Variants in SLC16A1 observed in about 807,000 individuals in gnomAD.
SLC16A1 encodes the protein solute carrier family 16 member 1.
A neutral mutation model predicts 32.2 loss-of-function variants in SLC16A1; 11 were observed. That is an observed-to-expected ratio of 0.34 (90% CI 0.21 to 0.56). SLC16A1 has a LOEUF of 0.56. SLC16A1 is among the 20% of genes least tolerant of loss of function. The pLI is 0.87. For synonymous variants in SLC16A1, 231 were observed against 226.8 expected, an observed-to-expected ratio of 1.02 and a Z score of -0.17; for missense variants, 435 against 615.0, an observed-to-expected ratio of 0.71 and a Z score of 3.10.
At chr1:112,915,578 AGAC>A (rs1648474255) in intron 4 of SLC16A1, among the ~76,000 whole-genome samples, 7 of 152,216 alleles carry the variant, frequency 4.6e-5, no homozygotes. Flanking sequence ...TCTGAACTGG[AGAC>A]TTCAAGGAGA....
At chr1:112,931,659 AAAAAAAAAAGTAGTT>A (rs1427663608) in intron 1 of SLC16A1, among the ~76,000 whole-genome samples, 5 of 151,470 alleles carry the variant, frequency 3.3e-5, no homozygotes, top group African/African-American at 1.2e-4. Flanking sequence ...AAAAAAAAAA[AAAAAAAAAAGTAGTT>A]TTAAATCAAA....
chr1:112,942,958 G>T (rs1005506904), intron 1 of SLC16A1, among the ~76,000 whole-genome samples: 4 of 151,244 alleles, frequency 2.6e-5, no homozygotes, highest in African/African-American at 7.4e-5. Context: ...GCACGCACTT[G>T]TGTGTATATA....
At chr1:112,943,787 C>CAAAAAA (rs60946516) in intron 1 of SLC16A1, among the ~76,000 whole-genome samples, 1 of 49,490 alleles carries the variant, frequency 2.0e-5, no homozygotes, top group East Asian at 7.4e-4. Context: ...GACTCCATCT[C>CAAAAAA]AAAAAAAAAA....
Position 112,920,267 on chromosome 1 carries a change from G to A in SLC16A1, c.361+1723C>T, listed in dbSNP as rs550531476. Among the ~76,000 whole-genome samples the A allele has an allele frequency of 4.7e-4, 71 of 152,166 alleles. No homozygotes were observed. The South Asian group carries it at 0.014, about 29-fold the overall frequency. On this transcript the variant is annotated intron_variant, in intron 3 of 4. Coordinates refer to ENST00000369626, the MANE Select transcript of SLC16A1 (RefSeq NM_003051.4). ...GCAGGCGGATCACCTGAGGTCAGGA[G>A]TTTGAGACCAGCCTGGCCAACATGG...
Position 112,944,427 on chromosome 1 carries a change from G to C in SLC16A1, c.-45+11608C>G, listed in dbSNP as rs143533506. Among the ~76,000 whole-genome samples the C allele has an allele frequency of 5.6e-3, 850 of 152,296 alleles. 17 individuals carry two copies. The highest frequency in any genetic ancestry group is 0.02 in the African/African-American group (819 of 41,556). On this transcript the variant is annotated intron_variant, in intron 1 of 4. Transcript: ENST00000369626. ...CCACTGGACCCCAGCCTGGGCAACAGAGTGAACCCGTCTCAAAAAACGAAA... is the reference window on the plus strand; with the variant it reads ...CCACTGGACCCCAGCCTGGGCAACACAGTGAACCCGTCTCAAAAAACGAAA...
chr1:112,922,718 T>G (rs552833004), intron 2 of SLC16A1, among the ~76,000 whole-genome samples: 12 of 152,128 alleles, frequency 7.9e-5, no homozygotes, highest in African/African-American at 2.9e-4. Context: ...GAGGTTGCAG[T>G]GAGCCAAGAT....
rs1649041781 is a variant in SLC16A1 at position 112,929,260 on chromosome 1, C to T, written c.49G>A (p.Gly17Ser). 4 of 1,614,118 alleles carry T rather than the reference C, an allele frequency of 2.5e-6. No individual in the cohort carries two copies. Among genetic ancestry groups the T allele is most frequent in the Non-Finnish European group, 3.4e-6 (4 of 1,180,020 alleles). ...CCAATTACCACTGCCCAGCCCCAGC[C>T]TCCATCTGGGGGGGTGTATCCAACT... ...GPVGYTPPDG[G>S]WGWAVVIGAF... The change falls in exon 2 of 5, where the codon GGC becomes AGC. Residue 17 changes from glycine (G) to serine (S), a missense_variant. Gly to Ser is a moderately conservative substitution (Grantham distance 56, BLOSUM62 0). Transcript: ENST00000369626.
At chr1:112,932,181 G>GTGGT (rs1169361931) in intron 1 of SLC16A1, among the ~76,000 whole-genome samples, 2 of 152,128 alleles carry the variant, frequency 1.3e-5, no homozygotes, top group African/African-American at 2.4e-5. Flanking sequence ...TTCTACTATA[G>GTGGT]GTTCTAGCCA....
chr1:112,919,009 T>TA lies in SLC16A1; in HGVS notation c.362-966dup, dbSNP rs575500974. On this transcript the variant is annotated intron_variant, in intron 3 of 4. Transcript: ENST00000369626. ...GGCTCCTGAAATGAATGTACTAATT[T>TA]ATTTTATTTATTTATTTATTTATTT... 9.1e-4 allele frequency among the ~76,000 whole-genome samples: 129 copies of TA among 142,358 alleles called. 1 individual carries two copies. In the South Asian group the frequency reaches 0.018, roughly 20 times the overall value. The allele number at this position is 142,358 out of a possible 152,430, so 93.4% of individuals were successfully genotyped here.
chr1:112,930,382 T>G (rs560449924), intron 1 of SLC16A1, among the ~76,000 whole-genome samples: 2 of 152,268 alleles, frequency 1.3e-5, no homozygotes, highest in South Asian at 4.1e-4. Context: ...GTGCTGAGTG[T>G]TGACTGTGTA....
chr1:112,945,085 A>ATGTAGCTGGGACCACAAGTGTGTG (rs1649651026), intron 1 of SLC16A1, among the ~76,000 whole-genome samples: 1 of 138,502 alleles, frequency 7.2e-6, no homozygotes, highest in Admixed American at 7.6e-5. Context: ...TGAAACCTCC[A>ATGTAGCTGGGACCACAAGTGTGTG]CCTCCCAAGT....
chr1:112,945,240 C>T (rs1053143050), intron 1 of SLC16A1, among the ~76,000 whole-genome samples: 4 of 151,974 alleles, frequency 2.6e-5, no homozygotes, highest in Non-Finnish European at 4.4e-5. Flanking sequence ...CTCAGGCCAC[C>T]CGCCTCAGCA....
intron 1 of SLC16A1, chr1:112,936,031 A>C (rs930127990): frequency 6.6e-6 from 1 of 152,240 alleles, no homozygotes; most frequent in African/African-American, 2.4e-5. Context: ...CTAAAGATTA[A>C]GGTGATGTAA....
At chr1:112,935,757 G>A (rs1258786471) in intron 1 of SLC16A1, 1 of 152,178 alleles carries the variant, frequency 6.6e-6, no homozygotes, top group Non-Finnish European at 1.5e-5. Context: ...AGAAAATACA[G>A]ATGACTCAGC....
rs769567238 is a variant in SLC16A1, at chr1:112,917,083, C to G, written c.1228+95G>C. The G allele has an allele frequency of 9.4e-6, 14 of 1,489,226 alleles. No individual in the cohort carries two copies. The highest frequency in any genetic ancestry group is 1.4e-5 in the African/African-American group (1 of 72,438). 92.3% of individuals were successfully genotyped at this position (1,489,226 alleles called of 1,614,324 possible). A position where few individuals can be genotyped will look rare whatever the true frequency, so the allele number is the denominator to read the frequency against. ...CATAAATGAGAAAGATTTATTCTTA[C>G]CCAAATAGCTCACTAATGTTTGCTT... On this transcript the variant is annotated intron_variant, in intron 4 of 4. Transcript: ENST00000369626. This position sits in a 1 kb window ranked among gnomAD's most constrained non-coding sequence, Gnocchi z 4.1.
Position 112,917,163 on chromosome 1 carries a change from G to A in SLC16A1, c.1228+15C>T, listed in dbSNP as rs1459686731. The A allele has an allele frequency of 1.9e-6, 3 of 1,614,072 alleles. No homozygotes were observed. Among genetic ancestry groups the A allele is most frequent in the South Asian group, 1.1e-5 (1 of 91,056 alleles). On this transcript the variant is annotated intron_variant, in intron 4 of 4. Transcript: ENST00000369626. The surrounding 1 kb of genome is among the most constrained non-coding windows in gnomAD (Gnocchi z 4.1). ...TTTTGTAATAGACCCACATTAGTAG[G>A]GAGATATACTATACCTAAAAGTGGT... is the stretch of plus-strand genomic sequence containing the variant.
At chr1:112,915,324 G>C (rs1648462770) in intron 4 of SLC16A1, among the ~76,000 whole-genome samples, 1 of 152,162 alleles carries the variant, frequency 6.6e-6, no homozygotes. Flanking sequence ...AAAGGAGATG[G>C]GAATTAGATC....
intron 1 of SLC16A1, among the ~76,000 whole-genome samples, chr1:112,944,144 T>C (rs962440487): frequency 3.3e-5 from 5 of 152,172 alleles, no homozygotes; most frequent in African/African-American, 1.2e-4. Flanking sequence ...AATGAACATG[T>C]ATTACCTGAT....
At chr1:112,939,888 C>T (rs10857983) in intron 1 of SLC16A1, among the ~76,000 whole-genome samples, 49,057 of 151,872 alleles carry the variant, frequency 0.32, 8,485 homozygotes, top group East Asian at 0.64. Flanking sequence ...CTCCACTCCC[C>T]GCCCCTGCCC....
Sources: allele counts gnomAD v4.1 joint callset (sites outside exome capture counted in the v4.1 genomes callset), GRCh38; gene constraint gnomAD v4.1.1; non-coding constraint Gnocchi (gnomAD v3.1); transcripts MANE v1.5; gene names NCBI Gene and HGNC (gene_info 2026-07-23, HGNC 2026-07-21).